PCDHA1: variants seen among roughly 807,000 people sequenced by gnomAD.
PCDHA1 encodes protocadherin alpha 1.
In PCDHA1, 42 loss-of-function variants were observed where a neutral mutation model predicts 61.3. The observed-to-expected ratio is 0.69, with a 90% CI of 0.54 to 0.89. PCDHA1 has a LOEUF of 0.89. Among genes scored for constraint, PCDHA1 ranks in the 40% least tolerant of loss-of-function variants. The pLI, the probability that PCDHA1 is intolerant of heterozygous loss-of-function variation, is 0.00. For synonymous variants in PCDHA1, 610 were observed against 553.8 expected (o/e 1.10, Z -1.43); for missense variants, 1,256 against 1,235.3 (o/e 1.02, Z -0.25).
At chr5:140,881,931 G>T in intron 1 of PCDHA1, 1 of 276,824 alleles carries the variant, frequency 3.6e-6, no homozygotes, top group South Asian at 8.8e-5. Flanking sequence ...GCAGTGATTT[G>T]CTGTTTCTGG....
chr5:140,982,689 T>A, intron 3 of PCDHA1, 126 bp downstream of exon 3: 1 of 1,413,688 alleles, frequency 7.1e-7, no homozygotes, highest in Non-Finnish European at 9.3e-7. Context: ...CTTTTTTCCA[T>A]ACATACATGA....
intron 1 of PCDHA1, chr5:140,835,699 C>T: frequency 1.9e-6 from 3 of 1,613,916 alleles, no homozygotes; most frequent in African/African-American, 2.7e-5. Context: ...TGGGCCACTG[C>T]TAGCGTGTCC....
rs1554262437 is a variant in PCDHA1, at chr5:141,009,799, C to T, written c.2715C>T (p.Asn905=). 1 of 1,614,104 alleles carries T rather than the reference C, an allele frequency of 6.2e-7. No individual in the cohort carries two copies. Residue 905 remains asparagine (N), a synonymous_variant, in exon 4 of 4, where the codon AAC becomes AAT. Coordinates refer to ENST00000504120, the MANE Select transcript of PCDHA1 (RefSeq NM_018900.4). ...AIISIRQEPT[N]SQIDKSDFIT... is the part of the protein sequence containing the mutation. ...TCTCCATCCGGCAGGAGCCTACTAACAGCCAAATTGACAAAAGTGACTTCA... is the reference window on the plus strand; with the variant it reads ...TCTCCATCCGGCAGGAGCCTACTAATAGCCAAATTGACAAAAGTGACTTCA...
At chr5:140,958,913 C>T (rs1367853733) in intron 1 of PCDHA1, among the ~76,000 whole-genome samples, 12 of 151,050 alleles carry the variant, frequency 7.9e-5, no homozygotes, top group Non-Finnish European at 8.8e-5. Context: ...AAAAGTCTGC[C>T]TGGGTGTGGT....
chr5:140,896,366 C>T (rs905088200), intron 1 of PCDHA1, among the ~76,000 whole-genome samples: 1 of 152,090 alleles, frequency 6.6e-6, no homozygotes, highest in Non-Finnish European at 1.5e-5. Context: ...TATAAGCATT[C>T]CCTTTTCTCT....
chr5:140,803,521 G>T, intron 1 of PCDHA1: 1 of 1,614,234 alleles, frequency 6.2e-7, no homozygotes, highest in Non-Finnish European at 8.5e-7. Context: ...TTTAGCCCTA[G>T]CCTTCCTCCT....
rs782169362 is a variant in PCDHA1 at position 140,979,015 on chromosome 5, T to A, written c.2453+8T>A. The A allele has an allele frequency of 6.2e-7, 1 of 1,613,920 alleles. No homozygotes were observed. Among genetic ancestry groups the A allele is most frequent in the Non-Finnish European group, 8.5e-7 (1 of 1,179,908 alleles). On this transcript the variant is annotated splice_region_variant and intron_variant, in intron 2 of 3. Coordinates refer to ENST00000504120, the MANE Select transcript of PCDHA1 (RefSeq NM_018900.4). ...GAGAGCAGGCATGCACAGGTATGTA[T>A]TTCCCTCCTCATTCACTCAGAAGTA...
chr5:140,843,415 G>A (rs2150359556), intron 1 of PCDHA1: 2 of 1,596,114 alleles, frequency 1.3e-6, no homozygotes, highest in East Asian at 2.2e-5. Context: ...ATGTCAACGT[G>A]TACCTGATCA....
intron 1 of PCDHA1, chr5:140,802,118 CAT>C: frequency 6.2e-7 from 1 of 1,614,190 alleles, no homozygotes; most frequent in East Asian, 2.2e-5. Flanking sequence ...TAAAGGGTAA[CAT>C]AGATTTCGAG....
chr5:140,839,493 G>A (rs2150298182), intron 1 of PCDHA1, among the ~76,000 whole-genome samples: 3 of 151,922 alleles, frequency 2.0e-5, no homozygotes, highest in Non-Finnish European at 4.4e-5. Context: ...GGGCTCAAGT[G>A]ATCTTCCTAC....
At chr5:140,888,700 T>C (rs534278841) in intron 1 of PCDHA1, among the ~76,000 whole-genome samples, 2 of 152,274 alleles carry the variant, frequency 1.3e-5, no homozygotes, top group Non-Finnish European at 2.9e-5. Flanking sequence ...CTCTGATTGG[T>C]AGGAATGTGA....
chr5:140,871,699 C>A, intron 1 of PCDHA1: 1 of 891,286 alleles, frequency 1.1e-6, no homozygotes. Context: ...CTTCTTTAAC[C>A]AATAAATGTC....
intron 1 of PCDHA1, chr5:140,824,017 T>C (rs2150131551): frequency 1.2e-6 from 2 of 1,613,996 alleles, no homozygotes; most frequent in South Asian, 2.2e-5. Context: ...GGGGAGCTGG[T>C]CGTACTCGCA....
intron 1 of PCDHA1, chr5:140,807,609 C>G (rs554905188): frequency 6.2e-7 from 1 of 1,613,974 alleles, no homozygotes; most frequent in South Asian, 1.1e-5. Flanking sequence ...AAGAACCTGT[C>G]CATCGCGGAA....
chr5:140,883,867 C>T (rs2059859396), intron 1 of PCDHA1: 3 of 1,613,138 alleles, frequency 1.9e-6, no homozygotes, highest in Non-Finnish European at 2.5e-6. Flanking sequence ...TGTTGCAGTT[C>T]CAGGTGAGCG....
chr5:140,824,026 C>A (rs1387280043), intron 1 of PCDHA1: 19 of 1,614,028 alleles, frequency 1.2e-5, no homozygotes, highest in Non-Finnish European at 1.5e-5. Flanking sequence ...GTCGTACTCG[C>A]AGCAGAGGAG....
chr5:140,857,146 C>G lies in PCDHA1; in HGVS notation c.2394+68462C>G, dbSNP rs1554149571. ...TGAAAGAAGATGCTCAAGTGGGCAC[C>G]GTCATTGCCCTAATCAGCGTTTCTG... On this transcript the variant is annotated intron_variant, in intron 1 of 3. Coordinates refer to ENST00000504120, the MANE Select transcript of PCDHA1 (RefSeq NM_018900.4). The G allele has an allele frequency of 1.9e-6, 3 of 1,598,132 alleles. 1 individual carries two copies. In the South Asian group the frequency reaches 3.3e-5, roughly 18 times the overall value.
At chr5:140,807,339 A>C in intron 1 of PCDHA1, 7 of 1,613,222 alleles carry the variant, frequency 4.3e-6, no homozygotes, top group African/African-American at 1.3e-5. Context: ...ATCGCGCAGG[A>C]CCTGGGACTG....
chr5:140,987,106 C>T (rs113308102), intron 3 of PCDHA1, among the ~76,000 whole-genome samples: 4,830 of 151,440 alleles, frequency 0.032, 263 homozygotes, highest in African/African-American at 0.11. Context: ...CCCAGCTACT[C>T]GGGAGGCTGA....
Sources: allele counts gnomAD v4.1 joint callset (sites outside exome capture counted in the v4.1 genomes callset), GRCh38; gene constraint gnomAD v4.1.1; transcripts MANE v1.5; gene names NCBI Gene and HGNC (gene_info 2026-07-23, HGNC 2026-07-21).